STK10: variants seen among roughly 807,000 people sequenced by gnomAD.
STK10 encodes the protein serine/threonine kinase 10, also known as serine/threonine-protein kinase 10.
Under a neutral mutation model 113.8 loss-of-function variants are expected in STK10, and 78 were observed. The ratio of observed to expected loss-of-function variants is 0.69; its 90% CI spans 0.57 to 0.83. The LOEUF is 0.83. Among genes scored for constraint, STK10 ranks in the 40% least tolerant of loss-of-function variants. STK10 has a pLI of 0.00. For missense variants in STK10, 1,109 were observed against 1,280.1 expected (o/e 0.87, Z 2.04); for synonymous variants, 465 against 494.7 (o/e 0.94, Z 0.80).
intron 13 of STK10, among the ~76,000 whole-genome samples, chr5:172,063,776 C>T (rs938932892): frequency 1.3e-5 from 2 of 152,132 alleles, no homozygotes; most frequent in Non-Finnish European, 2.9e-5. Context: ...TCCTCTTCTG[C>T]GAATGGGAAA....
intron 12 of STK10, among the ~76,000 whole-genome samples, chr5:172,079,103 T>TA (rs1322625714): frequency 6.6e-6 from 1 of 152,198 alleles, no homozygotes; most frequent in African/African-American, 2.4e-5. Context: ...AACATCTATG[T>TA]AAGGACAGGA....
intron 2 of STK10, among the ~76,000 whole-genome samples, chr5:172,153,892 C>A (rs1452079413): frequency 6.6e-6 from 1 of 152,232 alleles, no homozygotes; most frequent in Non-Finnish European, 1.5e-5. Flanking sequence ...TTCTGCAAGA[C>A]CCCGTTCAAA....
intron 2 of STK10, among the ~76,000 whole-genome samples, chr5:172,153,288 A>AAAGAAAAGAAAAGAAAGAAGAAAGAAAG (rs533570303): frequency 7.0e-6 from 1 of 141,928 alleles, no homozygotes; most frequent in African/African-American, 2.9e-5. Context: ...CTCCATCTCA[A>AAAGAAAAGAAAAGAAAGAAGAAAGAAAG]AAAGAAAGAA....
chr5:172,153,310 A>ATGAGAGAGAGAGAGAGAG (rs1402371039), intron 2 of STK10, among the ~76,000 whole-genome samples: 1 of 151,832 alleles, frequency 6.6e-6, no homozygotes, highest in African/African-American at 2.4e-5. Flanking sequence ...GAAAGAAAGA[A>ATGAGAGAGAGAGAGAGAG]AGAAAGAAAG....
intron 1 of STK10, among the ~76,000 whole-genome samples, chr5:172,181,931 G>A (rs1477444090): frequency 6.6e-6 from 1 of 152,110 alleles, no homozygotes; most frequent in African/African-American, 2.4e-5. Flanking sequence ...GACGCTGATG[G>A]AACCCAGGGT....
intron 7 of STK10, among the ~76,000 whole-genome samples, chr5:172,100,400 A>T (rs1768961279): frequency 6.6e-6 from 1 of 152,218 alleles, no homozygotes; most frequent in Non-Finnish European, 1.5e-5. Context: ...CCATCTAAAC[A>T]GATGTCCTTT....
chr5:172,104,438 T>C (rs998290164), intron 7 of STK10, among the ~76,000 whole-genome samples: 2 of 152,130 alleles, frequency 1.3e-5, no homozygotes, highest in Non-Finnish European at 2.9e-5. Context: ...CCTCCAATAG[T>C]TCAAAAAGCT....
intron 4 of STK10, among the ~76,000 whole-genome samples, chr5:172,113,367 A>C (rs1390726727): frequency 6.6e-6 from 1 of 152,210 alleles, no homozygotes; most frequent in Non-Finnish European, 1.5e-5. Context: ...AGATCCATGA[A>C]CAAGCACACT....
At chr5:172,135,508 T>A (rs923246529) in intron 2 of STK10, among the ~76,000 whole-genome samples, 17 of 151,986 alleles carry the variant, frequency 1.1e-4, no homozygotes, top group African/African-American at 3.6e-4. Flanking sequence ...CGAGACTCCA[T>A]CTCAAAAAAC....
At chr5:172,170,699 A>C (rs1770651849) in intron 1 of STK10, among the ~76,000 whole-genome samples, 1 of 152,206 alleles carries the variant, frequency 6.6e-6, no homozygotes, top group Non-Finnish European at 1.5e-5. Flanking sequence ...TTGGCTGAAA[A>C]CGGGAGCAAC....
intron 7 of STK10, among the ~76,000 whole-genome samples, chr5:172,101,690 A>G (rs1231970294): frequency 1.3e-5 from 2 of 152,166 alleles, no homozygotes; most frequent in African/African-American, 4.8e-5. Context: ...GGGCAGGGAA[A>G]GGGGACTGGG....
chr5:172,057,433 C>A lies in STK10; in HGVS notation c.2253G>T (p.Leu751=). 6.4e-7 allele frequency: 1 copy of A among 1,551,242 alleles called. No individual in the cohort carries two copies. Among genetic ancestry groups the A allele is most frequent in the South Asian group, 1.2e-5 (1 of 84,138 alleles). The part of the protein sequence containing the change: ...AALWEMEEHQ[L]QERHQLVKQQ... Reference sequence around the variant, plus strand: ...GCTTCACCAGCTGGTGCCTCTCCTGCAGCTGGTGCTCTTCCATCTCCCACA... The same window carrying A: ...GCTTCACCAGCTGGTGCCTCTCCTGAAGCTGGTGCTCTTCCATCTCCCACA... The change falls in exon 15 of 19, where the codon CTG becomes CTT. Residue 751 remains leucine (L), a synonymous_variant. Transcript: ENST00000176763.
At chr5:172,097,993 G>C (rs1262919380) in intron 7 of STK10, among the ~76,000 whole-genome samples, 4 of 152,172 alleles carry the variant, frequency 2.6e-5, no homozygotes, top group Non-Finnish European at 4.4e-5. Flanking sequence ...AGGCCACTGG[G>C]AAAGGAATGA....
intron 3 of STK10, among the ~76,000 whole-genome samples, chr5:172,119,691 C>G (rs928607467): frequency 6.7e-6 from 1 of 150,130 alleles, no homozygotes; most frequent in African/African-American, 2.5e-5. Flanking sequence ...GGTGAAACCC[C>G]GTCTCTACTA....
intron 12 of STK10, among the ~76,000 whole-genome samples, chr5:172,065,477 G>A (rs562528787): frequency 3.8e-4 from 58 of 152,066 alleles, no homozygotes; most frequent in Middle Eastern, 6.8e-3. Flanking sequence ...TGCCTGCCTG[G>A]GCCTCCCAAA....
chr5:172,080,541 G>A (rs1254784353), intron 12 of STK10, among the ~76,000 whole-genome samples: 5 of 152,264 alleles, frequency 3.3e-5, no homozygotes, highest in African/African-American at 4.8e-5. Context: ...CACGAATGAT[G>A]AGAAAGCAAA....
At chr5:172,071,718 G>C (rs1768185526) in intron 12 of STK10, among the ~76,000 whole-genome samples, 1 of 152,120 alleles carries the variant, frequency 6.6e-6, no homozygotes, top group Admixed American at 6.5e-5. Context: ...CTTTAAAAGA[G>C]TCTCCCTAGT....
In STK10 at chr5:172,061,132, C is replaced by A. The variant is rs746783966; in HGVS notation, c.2212+7G>T. ...CCAAGACAGCGCTGCCACTTGCACACCCCCACCTCGAAGGAGCTCCTGCTT... is the reference window on the plus strand; with the variant it reads ...CCAAGACAGCGCTGCCACTTGCACAACCCCACCTCGAAGGAGCTCCTGCTT... On this transcript the variant is annotated splice_region_variant and intron_variant, in intron 14 of 18. Coordinates refer to ENST00000176763, the MANE Select transcript of STK10 (RefSeq NM_005990.4). 5.6e-6 allele frequency: 9 copies of A among 1,607,060 alleles called. No homozygotes were observed. In the South Asian group the frequency reaches 7.7e-5, roughly 14 times the overall value.
In STK10 at chr5:172,112,310, T is replaced by C. The variant is rs557881817; in HGVS notation, c.521-4458A>G. 1.4e-3 allele frequency among the ~76,000 whole-genome samples: 208 copies of C among 152,212 alleles called. 1 individual carries two copies. Among genetic ancestry groups the C allele is most frequent in the African/African-American group, 4.7e-3 (195 of 41,530 alleles). On this transcript the variant is annotated intron_variant, in intron 4 of 18. Coordinates refer to ENST00000176763, the MANE Select transcript of STK10 (RefSeq NM_005990.4). ...TTGTGTGTACATGTCTGCACGCATGTGCATACACACACACACACACCGGTC... is the reference window on the plus strand; with the variant it reads ...TTGTGTGTACATGTCTGCACGCATGCGCATACACACACACACACACCGGTC...
Sources: gnomAD v4.1 joint callset for allele counts (sites outside exome capture counted in the v4.1 genomes callset) on GRCh38, gnomAD v4.1.1 for gene constraint, MANE v1.5 for transcripts, NCBI Gene and HGNC (gene_info 2026-07-23, HGNC 2026-07-21) for gene names.